CCDC81: variants seen among roughly 807,000 people sequenced by gnomAD.
The protein encoded by CCDC81 is coiled-coil domain-containing protein 81.
In CCDC81, 79 loss-of-function variants were observed where a neutral mutation model predicts 83.7. The observed-to-expected ratio is 0.94, with a 90% CI of 0.79 to 1.14. The LOEUF (loss-of-function observed/expected upper bound fraction) is 1.14, where lower values mean the gene tolerates loss of function less well. Among genes scored for constraint, CCDC81 ranks in the 50% most tolerant of loss-of-function variants. CCDC81 has a pLI of 0.00. For synonymous variants in CCDC81, 252 were observed against 278.1 expected (o/e 0.91, Z 0.93); for missense variants, 791 against 778.1 (o/e 1.02, Z -0.20).
chr11:86,378,351 T>A (rs7106523), intron 1 of CCDC81, among the ~76,000 whole-genome samples: 12,604 of 152,248 alleles, frequency 0.083, 1,441 homozygotes, highest in African/African-American at 0.26. Flanking sequence ...ATGATTTCTA[T>A]CCTTTTCTAT....
In CCDC81 at chr11:86,406,952, C is replaced by CA. The variant is rs144908126; in HGVS notation, c.882-661dup. 2.3e-3 allele frequency among the ~76,000 whole-genome samples: 345 copies of CA among 152,220 alleles called. 2 individuals are homozygous for CA. The highest frequency in any genetic ancestry group is 8.1e-3 in the African/African-American group (338 of 41,492). Reference sequence around the variant, plus strand: ...ACCCCTAATTCATCTCCCTCCACCACACTGACCATAGGCACCTTCCACCTG... The same window carrying CA: ...ACCCCTAATTCATCTCCCTCCACCACAACTGACCATAGGCACCTTCCACCTG... On this transcript the variant is annotated intron_variant, in intron 7 of 14. Coordinates refer to ENST00000445632, the MANE Select transcript of CCDC81 (RefSeq NM_001156474.2).
At chr11:86,411,943 C>CCCCT (rs1167932936) in intron 10 of CCDC81, among the ~76,000 whole-genome samples, 1 of 152,186 alleles carries the variant, frequency 6.6e-6, no homozygotes, top group African/African-American at 2.4e-5. Context: ...ATGAGCCAGG[C>CCCCT]CCCTCCATTG....
At chr11:86,411,714 C>T (rs1404499133) in intron 10 of CCDC81, among the ~76,000 whole-genome samples, 1 of 152,244 alleles carries the variant, frequency 6.6e-6, no homozygotes, top group Non-Finnish European at 1.5e-5. Context: ...TTTTTCATCT[C>T]TGTCTCAGCA....
Position 86,414,822 on chromosome 11 carries a change from T to TA in CCDC81, c.1427dup (p.Met477AspfsTer26). On this transcript the variant is annotated frameshift_variant, in exon 12 of 15. Coordinates refer to ENST00000445632, the MANE Select transcript of CCDC81 (RefSeq NM_001156474.2). LOFTEE classifies it high-confidence loss of function. ...CGCAAAGAGCGAAATTTTTAAAAGA[T>TA]AAGATGGAAGAAACACAGTGTTACA... is the stretch of plus-strand genomic sequence containing the variant. 6.2e-7 allele frequency: 1 copy of TA among 1,612,146 alleles called. No homozygotes were observed. The highest frequency in any genetic ancestry group is 8.5e-7 in the Non-Finnish European group (1 of 1,179,640).
chr11:86,403,254 T>TA lies in CCDC81; in HGVS notation c.881+2461dup, dbSNP rs560182184. The stretch of plus-strand genomic sequence containing the variant: ...TTTAACTGGGAGCTTTACTTTTTCT[T>TA]AAAAAAAAGTTGTATTTTTATAAAG... On this transcript the variant is annotated intron_variant, in intron 7 of 14. Transcript: ENST00000445632. 3.3e-5 allele frequency among the ~76,000 whole-genome samples: 5 copies of TA among 151,958 alleles called. No individual in the cohort carries two copies. The South Asian group carries it at 8.3e-4, about 25-fold the overall frequency.
In CCDC81 at chr11:86,415,143, G is replaced by A; in HGVS notation, c.1521G>A (p.Glu507=). The part of the protein sequence containing the change: ...RLPPFEPDSS[E]PIFGKNEGEL... ...CCCCCTTTGAGCCAGACTCCTCTGAGCCCATCTTTGGTAAGAATGAGGGTG... is the reference window on the plus strand; with the variant it reads ...CCCCCTTTGAGCCAGACTCCTCTGAACCCATCTTTGGTAAGAATGAGGGTG... Residue 507 remains glutamate, a synonymous_variant, in exon 13 of 15, where the codon GAG becomes GAA. Transcript: ENST00000445632. 1.2e-6 allele frequency: 2 copies of A among 1,614,188 alleles called. No homozygotes were observed. The highest frequency in any genetic ancestry group is 1.7e-6 in the Non-Finnish European group (2 of 1,180,032).
At chr11:86,404,184 G>C (rs2138525612) in intron 7 of CCDC81, among the ~76,000 whole-genome samples, 1 of 151,928 alleles carries the variant, frequency 6.6e-6, no homozygotes, top group South Asian at 2.1e-4. Flanking sequence ...AAACCTTTAG[G>C]GAATCAGCAT....
chr11:86,414,168 A>G (rs2138538375), intron 11 of CCDC81, among the ~76,000 whole-genome samples: 1 of 152,296 alleles, frequency 6.6e-6, no homozygotes, highest in South Asian at 2.1e-4. Context: ...GTAGATTTTT[A>G]AAAGAACTGG....
chr11:86,415,175 T>G lies in CCDC81; in HGVS notation c.1553T>G (p.Met518Arg). 8 of 1,614,168 alleles carry G rather than the reference T, an allele frequency of 5.0e-6. No homozygotes were observed. Among genetic ancestry groups the G allele is most frequent in the Non-Finnish European group, 5.9e-6 (7 of 1,180,016 alleles). Reference sequence around the variant, plus strand: ...TTTGGTAAGAATGAGGGTGAACTGATGGTGGAAAAGCAAAAGCGAGAACAA... The same window carrying G: ...TTTGGTAAGAATGAGGGTGAACTGAGGGTGGAAAAGCAAAAGCGAGAACAA... ...PIFGKNEGELMVEKQKREQNY... is the reference protein window; with the variant it reads ...PIFGKNEGELRVEKQKREQNY... The change falls in exon 13 of 15, where the codon ATG becomes AGG. Residue 518 changes from methionine to arginine, a missense_variant. Coordinates refer to ENST00000445632, the MANE Select transcript of CCDC81 (RefSeq NM_001156474.2).
chr11:86,415,466 C>T (rs1248761091), intron 13 of CCDC81, among the ~76,000 whole-genome samples, 153 bp downstream of exon 13: 1 of 152,144 alleles, frequency 6.6e-6, no homozygotes, highest in Non-Finnish European at 1.5e-5. Context: ...GTTATTTGTG[C>T]AAGGCATTGT....
At chr11:86,381,438 A>C (rs1321188835) in intron 1 of CCDC81, among the ~76,000 whole-genome samples, 1 of 152,222 alleles carries the variant, frequency 6.6e-6, no homozygotes, top group African/African-American at 2.4e-5. Flanking sequence ...AGCTCTGGGA[A>C]GTAAACCTTA....
intron 10 of CCDC81, 103 bp from the exon 11 acceptor site, chr11:86,412,284 A>G (rs1199995146): frequency 3.1e-6 from 3 of 958,898 alleles, no homozygotes; most frequent in African/African-American, 1.7e-5. Flanking sequence ...CTGGGCAAAT[A>G]TTATAAATTA....
rs1432861988 is a variant in CCDC81, at chr11:86,387,640, A to G, written c.266A>G (p.His89Arg). ...FIMVEKLVQI[H>R]GLKQNKVYTP... ...ATGGTGGAGAAGCTAGTGCAGATTC[A>G]TGGACTCAAACAAAACAAAGTATAT... Residue 89 changes from histidine to arginine, a missense_variant, in exon 3 of 15, where the codon CAT becomes CGT. Coordinates refer to ENST00000445632, the MANE Select transcript of CCDC81 (RefSeq NM_001156474.2). The G allele has an allele frequency of 4.4e-6, 7 of 1,607,698 alleles. No individual in the cohort carries two copies. The highest frequency in any genetic ancestry group is 2.2e-5 in the East Asian group (1 of 44,846).
At chr11:86,406,151 C>T (rs1948562945) in intron 7 of CCDC81, among the ~76,000 whole-genome samples, 1 of 152,164 alleles carries the variant, frequency 6.6e-6, no homozygotes. Flanking sequence ...TTTCAGTACA[C>T]TTATTCTTTG....
chr11:86,408,120 A>G lies in CCDC81; in HGVS notation c.970-7A>G. Reference sequence around the variant, plus strand: ...AAATTTATTTGTCCTGAAATTTGGGATTGTAGGAAATGTGCTATGTATGTT... The same window carrying G: ...AAATTTATTTGTCCTGAAATTTGGGGTTGTAGGAAATGTGCTATGTATGTT... On this transcript the variant is annotated splice_polypyrimidine_tract_variant and splice_region_variant and intron_variant, in intron 8 of 14. Transcript: ENST00000445632. The G allele has an allele frequency of 6.2e-7, 1 of 1,604,044 alleles. No homozygotes were observed. The highest frequency in any genetic ancestry group is 8.5e-7 in the Non-Finnish European group (1 of 1,177,302).
At chr11:86,375,885 A>G (rs1238168508) in intron 1 of CCDC81, among the ~76,000 whole-genome samples, 1 of 152,214 alleles carries the variant, frequency 6.6e-6, no homozygotes, top group Admixed American at 6.5e-5. Flanking sequence ...TTATCAAACC[A>G]TTGTAACTTA....
chr11:86,393,492 C>T (rs1188757109), intron 4 of CCDC81, among the ~76,000 whole-genome samples: 1 of 152,178 alleles, frequency 6.6e-6, no homozygotes, highest in African/African-American at 2.4e-5. Context: ...GTGGGAATCC[C>T]AAGGTGAACT....
At chr11:86,375,950 G>A (rs1194947379) in intron 1 of CCDC81, among the ~76,000 whole-genome samples, 1 of 152,220 alleles carries the variant, frequency 6.6e-6, no homozygotes, top group Non-Finnish European at 1.5e-5. Context: ...AGGAATGGCT[G>A]CTTCTTTCTC....
In CCDC81 at chr11:86,415,319, G is replaced by C; in HGVS notation, c.1691+6G>C. ...CTTCAGAGGACACAAAGAGAGTAAG[G>C]AGACCCCTGATCTTTCTCCCTCCAC... On this transcript the variant is annotated splice_donor_region_variant and intron_variant, in intron 13 of 14. Transcript: ENST00000445632. The C allele has an allele frequency of 6.2e-7, 1 of 1,609,196 alleles. No homozygotes were observed. Among genetic ancestry groups the C allele is most frequent in the Non-Finnish European group, 8.5e-7 (1 of 1,176,334 alleles).
Sources: allele counts gnomAD v4.1 joint callset (sites outside exome capture counted in the v4.1 genomes callset), GRCh38; gene constraint gnomAD v4.1.1; transcripts MANE v1.5; gene names NCBI Gene and HGNC (gene_info 2026-07-23, HGNC 2026-07-21).